Variants in PRKCE observed in about 807,000 individuals in gnomAD.
PRKCE encodes protein kinase C epsilon.
Under a neutral mutation model 85.4 loss-of-function variants are expected in PRKCE, and 16 were observed. The observed-to-expected ratio is 0.19, with a 90% CI of 0.13 to 0.28. The LOEUF (loss-of-function observed/expected upper bound fraction) is 0.28. Among genes scored for constraint, PRKCE ranks in the 10% least tolerant of loss-of-function variants. The pLI is 1.00. For synonymous variants in PRKCE, 388 were observed against 371.5 expected, an observed-to-expected ratio of 1.04 and a Z score of -0.51; for missense variants, 573 against 975.2, an observed-to-expected ratio of 0.59 and a Z score of 5.49.
intron 1 of PRKCE, among the ~76,000 whole-genome samples, chr2:45,751,526 T>C (rs939594459): frequency 3.9e-5 from 6 of 152,134 alleles, no homozygotes; most frequent in African/African-American, 1.4e-4. Context: ...ACAGTTCCTA[T>C]GTATAACTCT....
intron 13 of PRKCE, among the ~76,000 whole-genome samples, chr2:46,156,945 C>T (rs1156302860): frequency 6.6e-6 from 1 of 152,162 alleles, no homozygotes; most frequent in African/African-American, 2.4e-5. Context: ...ACAAGCAATA[C>T]AAATATAACT....
intron 1 of PRKCE, among the ~76,000 whole-genome samples, chr2:45,813,398 G>C (rs1382702891): frequency 6.6e-6 from 1 of 152,234 alleles, no homozygotes; most frequent in Non-Finnish European, 1.5e-5. Context: ...CAGTGACTCA[G>C]TGTGAAGCAG....
At chr2:46,147,744 G>A (rs573667282) in intron 12 of PRKCE, among the ~76,000 whole-genome samples, 1 of 152,348 alleles carries the variant, frequency 6.6e-6, no homozygotes, top group African/African-American at 2.4e-5. Flanking sequence ...AGGGAGTGCT[G>A]GCTAAATGGT....
chr2:46,142,076 G>A (rs572680039), intron 11 of PRKCE, among the ~76,000 whole-genome samples: 2 of 152,276 alleles, frequency 1.3e-5, no homozygotes, highest in South Asian at 4.1e-4. Flanking sequence ...CAGAGGTCCT[G>A]GGGTAGCAGT....
At chr2:45,933,266 G>A (rs12999695) in intron 2 of PRKCE, among the ~76,000 whole-genome samples, 46,207 of 151,924 alleles carry the variant, frequency 0.3, 7,357 homozygotes, top group South Asian at 0.38. Context: ...CTTGTCTGTG[G>A]CTTACCTTGT....
intron 1 of PRKCE, among the ~76,000 whole-genome samples, chr2:45,725,829 C>CAA (rs56828673): frequency 0.23 from 32,866 of 144,450 alleles, 3,856 homozygotes; most frequent in Admixed American, 0.28. Flanking sequence ...GACTCCATCT[C>CAA]AAAAAAAAAA....
At chr2:45,937,072 G>A (rs1006529859) in intron 2 of PRKCE, among the ~76,000 whole-genome samples, 1 of 152,218 alleles carries the variant, frequency 6.6e-6, no homozygotes, top group African/African-American at 2.4e-5. Flanking sequence ...GATCATGAAA[G>A]AAGAGTGCTC....
In PRKCE at chr2:45,725,860, C is replaced by CA. The variant is rs763219641; in HGVS notation, c.348+73419dup. On this transcript the variant is annotated intron_variant, in intron 1 of 14. Transcript: ENST00000306156. ...AAAAACAAAAAACCGCCACCAACAA[C>CA]AAAAAAACCCACATTCATGATGCAT... 1.1e-4 allele frequency among the ~76,000 whole-genome samples: 17 copies of CA among 150,868 alleles called. No individual in the cohort carries two copies. In the East Asian group the frequency reaches 1.4e-3, roughly 12 times the overall value.
chr2:46,017,242 C>T (rs1421759439), intron 10 of PRKCE, among the ~76,000 whole-genome samples: 1 of 152,174 alleles, frequency 6.6e-6, no homozygotes, highest in Admixed American at 6.5e-5. Context: ...CCCTTGGCAA[C>T]AGCCACTCTG....
chr2:46,069,288 A>G (rs1483016653), intron 10 of PRKCE, among the ~76,000 whole-genome samples: 1 of 152,282 alleles, frequency 6.6e-6, no homozygotes, highest in East Asian at 1.9e-4. Flanking sequence ...GTCACTAACT[A>G]TTGAAGTTGA....
At chr2:46,044,211 T>C (rs555854609) in intron 10 of PRKCE, among the ~76,000 whole-genome samples, 1 of 152,224 alleles carries the variant, frequency 6.6e-6, no homozygotes, top group Non-Finnish European at 1.5e-5. Flanking sequence ...GGGTACAGAA[T>C]GTTTGTTGAA....
intron 2 of PRKCE, among the ~76,000 whole-genome samples, chr2:45,846,552 A>T (rs1315014129): frequency 1.3e-5 from 2 of 152,236 alleles, no homozygotes; most frequent in African/African-American, 4.8e-5. Flanking sequence ...CACGTACCTC[A>T]CAAATGATGC....
chr2:45,894,653 G>GCA lies in PRKCE; in HGVS notation c.412+51601_412+51602dup, dbSNP rs912402731. Among the ~76,000 whole-genome samples, 3 of 151,878 alleles carry GCA rather than the reference G, an allele frequency of 2.0e-5. No individual in the cohort carries two copies. In the South Asian group the frequency reaches 6.2e-4, roughly 32 times the overall value. ...TGTGAAACATTCTCCATGATGCCTG[G>GCA]CACACACACACAGTAGTTCCCTTCC... On this transcript the variant is annotated intron_variant, in intron 2 of 14. Coordinates refer to ENST00000306156, the MANE Select transcript of PRKCE (RefSeq NM_005400.3).
At chr2:45,996,934 C>T (rs763792980) in intron 6 of PRKCE, among the ~76,000 whole-genome samples, 1 of 152,110 alleles carries the variant, frequency 6.6e-6, no homozygotes, top group Non-Finnish European at 1.5e-5. Flanking sequence ...TGGCAGAATT[C>T]ACCATTTGGG....
chr2:45,830,269 G>A (rs1338696949), intron 1 of PRKCE, among the ~76,000 whole-genome samples: 3 of 146,998 alleles, frequency 2.0e-5, no homozygotes, highest in Admixed American at 6.9e-5. Context: ...TTAGAAATAT[G>A]CTGCATTCAT....
intron 1 of PRKCE, among the ~76,000 whole-genome samples, chr2:45,750,536 C>G (rs940082250): frequency 2.0e-5 from 3 of 152,218 alleles, no homozygotes; most frequent in Admixed American, 6.5e-5. Context: ...AGAGACTGCA[C>G]CGGGCTGATG....
chr2:45,829,952 A>G (rs1387163714), intron 1 of PRKCE, among the ~76,000 whole-genome samples: 2 of 151,506 alleles, frequency 1.3e-5, no homozygotes, highest in African/African-American at 4.9e-5. Flanking sequence ...GGGCGCCTGT[A>G]GTCCCAGCTA....
At chr2:45,956,274 T>G (rs1397561575) in intron 2 of PRKCE, among the ~76,000 whole-genome samples, 1 of 152,258 alleles carries the variant, frequency 6.6e-6, no homozygotes, top group African/African-American at 2.4e-5. Context: ...ATAAAGCTGC[T>G]ATAGATATTT....
At chr2:46,110,671 G>A (rs1363848548) in intron 11 of PRKCE, among the ~76,000 whole-genome samples, 1 of 148,542 alleles carries the variant, frequency 6.7e-6, no homozygotes, top group Non-Finnish European at 1.5e-5. Flanking sequence ...TTTCTCTATT[G>A]TTTTTCTGTT....
Sources: gnomAD v4.1 joint callset for allele counts (sites outside exome capture counted in the v4.1 genomes callset) on GRCh38, gnomAD v4.1.1 for gene constraint, MANE v1.5 for transcripts, NCBI Gene and HGNC (gene_info 2026-07-23, HGNC 2026-07-21) for gene names.